The following CLPB variants were observed in gnomAD, a reference collection of about 807,000 sequenced individuals.
The protein encoded by CLPB is mitochondrial disaggregase.
In CLPB, 40 loss-of-function variants were observed where a neutral mutation model predicts 78.4. The observed-to-expected ratio is 0.51, with a 90% CI of 0.40 to 0.66. The LOEUF is 0.66. CLPB is among the 30% of genes least tolerant of loss of function. The pLI is 0.00. For synonymous variants in CLPB, 333 were observed against 348.0 expected, an observed-to-expected ratio of 0.96 and a Z score of 0.48; for missense variants, 780 against 886.9, an observed-to-expected ratio of 0.88 and a Z score of 1.53.
At chr11:72,299,910 T>C (rs907428613) in intron 11 of CLPB, among the ~76,000 whole-genome samples, 5 of 152,146 alleles carry the variant, frequency 3.3e-5, no homozygotes, top group African/African-American at 1.2e-4. Flanking sequence ...AGGGCTTCCA[T>C]GTATGGCTGA....
chr11:72,395,552 C>G (rs910589343), intron 3 of CLPB, among the ~76,000 whole-genome samples: 1 of 152,124 alleles, frequency 6.6e-6, no homozygotes, highest in Non-Finnish European at 1.5e-5. Flanking sequence ...AGGATTAGAC[C>G]CAACATGGGA....
At chr11:72,324,488 T>A (rs958389094) in intron 6 of CLPB, among the ~76,000 whole-genome samples, 4 of 151,664 alleles carry the variant, frequency 2.6e-5, no homozygotes, top group Non-Finnish European at 4.4e-5. Flanking sequence ...ATCGCTTGAA[T>A]CTGGAAGGCA....
At chr11:72,308,153 G>A (rs1227439871) in intron 8 of CLPB, among the ~76,000 whole-genome samples, 1 of 152,214 alleles carries the variant, frequency 6.6e-6, no homozygotes, top group African/African-American at 2.4e-5. Flanking sequence ...AGCATTTACA[G>A]CTAGGCTGTA....
chr11:72,423,451 C>T (rs1182567705), intron 2 of CLPB, among the ~76,000 whole-genome samples: 2 of 152,128 alleles, frequency 1.3e-5, no homozygotes, highest in Non-Finnish European at 2.9e-5. Flanking sequence ...GGCACTGTAC[C>T]AGGCATTGTC....
chr11:72,313,650 G>A lies in CLPB; in HGVS notation c.988+3456C>T, dbSNP rs1329818667. Among the ~76,000 whole-genome samples, 3 of 152,218 alleles carry A rather than the reference G, an allele frequency of 2.0e-5. 1 individual carries two copies. The highest frequency in any genetic ancestry group is 7.2e-5 in the African/African-American group (3 of 41,452). On this transcript the variant is annotated intron_variant, in intron 7 of 15. Coordinates refer to ENST00000538039, the MANE Select transcript of CLPB (RefSeq NM_001258392.3). ...GCCCTGAATCCAGGAGGACTGAGGA[G>A]GGCAACCTGCAGAAGGCCTAGGTCT...
At chr11:72,320,397 G>A (rs772790646) in intron 6 of CLPB, among the ~76,000 whole-genome samples, 6 of 152,172 alleles carry the variant, frequency 3.9e-5, no homozygotes, top group Non-Finnish European at 8.8e-5. Flanking sequence ...TGACTTCTAT[G>A]GAGGTGACAG....
intron 2 of CLPB, among the ~76,000 whole-genome samples, chr11:72,412,535 G>C (rs1375912261): frequency 6.6e-6 from 1 of 152,142 alleles, no homozygotes; most frequent in East Asian, 1.9e-4. Context: ...AGATAGGGAG[G>C]CTCAGAAAGC....
At chr11:72,384,696 G>A (rs1338243667) in intron 3 of CLPB, among the ~76,000 whole-genome samples, 1 of 152,054 alleles carries the variant, frequency 6.6e-6, no homozygotes, top group African/African-American at 2.4e-5. Context: ...ACGAAGGAAT[G>A]GAAAAAGATA....
rs935625608 is a variant in CLPB at position 72,292,230 on chromosome 11, C to G, written c.*1137G>C. The G allele has an allele frequency of 6.6e-6, 1 of 152,182 alleles. No individual in the cohort carries two copies. Among genetic ancestry groups the G allele is most frequent in the African/African-American group, 2.4e-5 (1 of 41,370 alleles). The allele number at this position is 152,182 out of a possible 1,614,324, so 9.4% of individuals were successfully genotyped here. ...GATTCCTGGCCCCATTCTCTGCTTC[C>G]TGAAAGACTAGCTAACACTACGCGA... is the stretch of plus-strand genomic sequence containing the variant. On this transcript the variant is annotated 3_prime_UTR_variant, in exon 16 of 16. Transcript: ENST00000538039.
In CLPB at chr11:72,346,268, A is replaced by G. The variant is rs1368008752; in HGVS notation, c.775+12612T>C. ...TAGATGCTGTTTCTTAAAAGCAAATATCATCCTTAGTGCATTCACGTTATA... is the reference window on the plus strand; with the variant it reads ...TAGATGCTGTTTCTTAAAAGCAAATGTCATCCTTAGTGCATTCACGTTATA... On this transcript the variant is annotated intron_variant, in intron 5 of 15. Coordinates refer to ENST00000538039, the MANE Select transcript of CLPB (RefSeq NM_001258392.3). Among the ~76,000 whole-genome samples the G allele has an allele frequency of 2.6e-5, 4 of 152,236 alleles. No homozygotes were observed. The East Asian group carries it at 7.7e-4, about 29-fold the overall frequency.
chr11:72,330,111 C>A (rs1021618009), intron 5 of CLPB, among the ~76,000 whole-genome samples: 1 of 152,320 alleles, frequency 6.6e-6, no homozygotes, highest in Admixed American at 6.5e-5. Context: ...CAATTTCATA[C>A]ATGTATTCAT....
rs1378114531 is a variant in CLPB, at chr11:72,290,939, C to G, written c.*2428G>C. On this transcript the variant is annotated 3_prime_UTR_variant, in exon 16 of 16. Coordinates refer to ENST00000538039, the MANE Select transcript of CLPB (RefSeq NM_001258392.3). ...CATCCTGGGTGACAGAGCGGGACTC[C>G]GTCTCAAAAAAAAAAAAAAAACCAA... 6.9e-6 allele frequency: 1 copy of G among 144,922 alleles called. No homozygotes were observed. Among genetic ancestry groups the G allele is most frequent in the African/African-American group, 2.6e-5 (1 of 38,262 alleles). The allele number at this position is 144,922 out of a possible 1,614,324, so 9.0% of individuals were successfully genotyped here. A position where few individuals can be genotyped will look rare whatever the true frequency, so the allele number is the denominator to read the frequency against.
In CLPB at chr11:72,291,667, T is replaced by C. The variant is rs548115811; in HGVS notation, c.*1700A>G. ...GTAGGATGTAATCATTGGGAGATGC[T>C]AGATGAAAGATACATGGGAATTTTC... On this transcript the variant is annotated 3_prime_UTR_variant, in exon 16 of 16. Coordinates refer to ENST00000538039, the MANE Select transcript of CLPB (RefSeq NM_001258392.3). 33 of 152,244 alleles carry C rather than the reference T, an allele frequency of 2.2e-4. No individual in the cohort carries two copies. Among genetic ancestry groups the C allele is most frequent in the African/African-American group, 7.2e-4 (30 of 41,540 alleles). The allele number at this position is 152,244 out of a possible 1,614,324, so 9.4% of individuals were successfully genotyped here. A position where few individuals can be genotyped will look rare whatever the true frequency, so the allele number is the denominator to read the frequency against.
chr11:72,424,434 T>A (rs1287118359), intron 2 of CLPB, among the ~76,000 whole-genome samples: 1 of 152,220 alleles, frequency 6.6e-6, no homozygotes, highest in Non-Finnish European at 1.5e-5. Flanking sequence ...TAGCTTGTTA[T>A]TTTAATGTAA....
intron 11 of CLPB, 106 bp from the exon 12 acceptor site, chr11:72,295,754 G>T: frequency 9.0e-7 from 1 of 1,115,438 alleles, no homozygotes; most frequent in Non-Finnish European, 1.3e-6. Context: ...AGAGCCCTGT[G>T]TCTCCCTCCA....
At chr11:72,368,324 T>G (rs756129426) in intron 4 of CLPB, among the ~76,000 whole-genome samples, 8 of 152,206 alleles carry the variant, frequency 5.3e-5, no homozygotes, top group Non-Finnish European at 1.2e-4. Flanking sequence ...TTTACGACTA[T>G]TCTCATGAGA....
chr11:72,388,056 C>T (rs538557941), intron 3 of CLPB, among the ~76,000 whole-genome samples: 1 of 152,146 alleles, frequency 6.6e-6, no homozygotes, highest in African/African-American at 2.4e-5. Context: ...CAAGCAACCA[C>T]GTATGTTGCC....
chr11:72,329,365 A>G lies in CLPB; in HGVS notation c.873+342T>C, dbSNP rs1289038250. ...TATGACCAAAATCTTTGCTTGGGCTAAGGATTTTGTCTGGCTAGAACCCCC... is the reference window on the plus strand; with the variant it reads ...TATGACCAAAATCTTTGCTTGGGCTGAGGATTTTGTCTGGCTAGAACCCCC... On this transcript the variant is annotated intron_variant, in intron 6 of 15. Coordinates refer to ENST00000538039, the MANE Select transcript of CLPB (RefSeq NM_001258392.3). Among the ~76,000 whole-genome samples, 4 of 152,158 alleles carry G rather than the reference A, an allele frequency of 2.6e-5. No homozygotes were observed. The East Asian group carries it at 7.7e-4, about 29-fold the overall frequency.
intron 9 of CLPB, among the ~76,000 whole-genome samples, chr11:72,306,405 C>T (rs1399256219): frequency 2.0e-5 from 3 of 152,314 alleles, no homozygotes; most frequent in African/African-American, 4.8e-5. Flanking sequence ...TCTGGGGTCT[C>T]GGGCGACCTC....
Sources: gnomAD v4.1 joint callset for allele counts (sites outside exome capture counted in the v4.1 genomes callset) on GRCh38, gnomAD v4.1.1 for gene constraint, MANE v1.5 for transcripts, NCBI Gene and HGNC (gene_info 2026-07-23, HGNC 2026-07-21) for gene names.